Variants in ZNF658 observed in about 807,000 individuals in gnomAD.
ZNF658 encodes zinc finger protein 658.
Under a neutral mutation model 78.0 loss-of-function variants are expected in ZNF658, and 46 were observed. The observed-to-expected ratio is 0.59, with a 90% CI of 0.47 to 0.75. The LOEUF (loss-of-function observed/expected upper bound fraction) is 0.75. ZNF658 is among the 30% of genes least tolerant of loss of function. The pLI is 0.00. For missense variants in ZNF658, 785 were observed against 1,189.3 expected, an observed-to-expected ratio of 0.66 and a Z score of 5.00; for synonymous variants, 279 against 408.4, an observed-to-expected ratio of 0.68 and a Z score of 3.82.
intron 4 of ZNF658, among the ~76,000 whole-genome samples, chr9:66,914,836 A>G (rs1028352709): frequency 2.0e-5 from 3 of 152,026 alleles, no homozygotes; most frequent in Non-Finnish European, 4.4e-5. Flanking sequence ...TTTTGCATTT[A>G]TGTTATGGGA....
At chr9:66,904,559 C>G (rs1051026036) in intron 2 of ZNF658, among the ~76,000 whole-genome samples, 24 of 152,028 alleles carry the variant, frequency 1.6e-4, no homozygotes, top group African/African-American at 5.6e-4. Context: ...ATGTATCTTA[C>G]CATGTACCCA....
intron 6 of ZNF658, among the ~76,000 whole-genome samples, chr9:66,929,517 G>A (rs536829877): frequency 7.7e-4 from 117 of 151,352 alleles, no homozygotes; most frequent in Non-Finnish European, 1.3e-3. Flanking sequence ...TGAATTATTT[G>A]TCCAACTGTG....
Position 66,902,865 on chromosome 9 carries a change from A to C in ZNF658, c.-44-653A>C, listed in dbSNP as rs367761438. 9.2e-5 allele frequency: 14 copies of C among 151,526 alleles called. No individual in the cohort carries two copies. In the South Asian group the frequency reaches 1.5e-3, roughly 16 times the overall value. The allele number at this position is 151,526 out of a possible 1,614,324, so 9.4% of individuals were successfully genotyped here. A position where few individuals can be genotyped will look rare whatever the true frequency, so the allele number is the denominator to read the frequency against. On this transcript the variant is annotated intron_variant, in intron 1 of 4. Coordinates refer to ENST00000621410, the MANE Select transcript of ZNF658 (RefSeq NM_033160.7). ...CCTGAGTAGTTCTTTTTTAAAAAAA[A>C]TTATTTTTAAATTTATTTATTTTTT... is the stretch of plus-strand genomic sequence containing the variant.
chr9:66,909,177 C>T (rs1822154724), intron 4 of ZNF658, among the ~76,000 whole-genome samples: 1 of 152,024 alleles, frequency 6.6e-6, no homozygotes, highest in Admixed American at 6.5e-5. Context: ...CAGGGGATGA[C>T]TGTATATGCA....
intron 4 of ZNF658, among the ~76,000 whole-genome samples, chr9:66,909,594 T>G (rs1822165497): frequency 6.6e-6 from 1 of 151,920 alleles, no homozygotes; most frequent in South Asian, 2.1e-4. Flanking sequence ...GGAGTGAAAC[T>G]GCTGGGTCAT....
intron 2 of ZNF658, among the ~76,000 whole-genome samples, chr9:66,904,761 C>T (rs1024454222): frequency 3.3e-5 from 5 of 152,084 alleles, no homozygotes; most frequent in African/African-American, 1.2e-4. Flanking sequence ...CTGAACCATT[C>T]CCTTTATTAT....
At chr9:66,922,984 C>A (rs1450689346), downstream of ZNF658, among the ~76,000 whole-genome samples, 1 of 151,626 alleles carries the variant, frequency 6.6e-6, no homozygotes, top group Non-Finnish European at 1.5e-5. Flanking sequence ...TGGGACAGGA[C>A]TAATAGGATA....
intron 4 of ZNF658, among the ~76,000 whole-genome samples, chr9:66,914,327 T>G (rs1041517150): frequency 6.6e-6 from 1 of 151,896 alleles, no homozygotes; most frequent in Non-Finnish European, 1.5e-5. Context: ...TGTATGTTTG[T>G]AGGCATAGAT....
chr9:66,905,060 TTTC>T (rs1247020891), intron 2 of ZNF658, among the ~76,000 whole-genome samples: 32 of 122,844 alleles, frequency 2.6e-4, no homozygotes, highest in South Asian at 1.0e-3. Context: ...CTTTTCTCTT[TTTC>T]TTTTCTTTTT....
In ZNF658 at chr9:66,908,371, A is replaced by T; in HGVS notation, c.142+7A>T. On this transcript the variant is annotated splice_region_variant and intron_variant, in intron 3 of 4. Coordinates refer to ENST00000621410, the MANE Select transcript of ZNF658 (RefSeq NM_033160.7). ...AGCCACCTCATCTCAGTGGGTGAGC[A>T]TAGCTTACCATGGGGCTCTCTCGAG... 1.9e-6 allele frequency: 3 copies of T among 1,614,088 alleles called. No homozygotes were observed. Among genetic ancestry groups the T allele is most frequent in the Non-Finnish European group, 2.5e-6 (3 of 1,179,976 alleles).
intron 1 of ZNF658, among the ~76,000 whole-genome samples, chr9:66,901,867 C>T (rs1000597866): frequency 2.6e-5 from 4 of 152,058 alleles, no homozygotes; most frequent in Non-Finnish European, 5.9e-5. Context: ...TCGCTCGAAC[C>T]CGAGGCGGAC....
In ZNF658 at chr9:66,918,731, T is replaced by C. The variant is rs1388573280; in HGVS notation, c.1165T>C (p.Cys389Arg). Reference protein sequence around the residue: ...KFYLSDEHGKCRKSFYRKAHL... With the variant: ...KFYLSDEHGKRRKSFYRKAHL... Reference sequence around the variant, plus strand: ...CTACCTTTCTGATGAACATGGGAAATGCAGAAAATCCTTTTACCGGAAAGC... The same window carrying C: ...CTACCTTTCTGATGAACATGGGAAACGCAGAAAATCCTTTTACCGGAAAGC... Residue 389 changes from cysteine (C) to arginine (R), a missense_variant, in exon 5 of 5, where the codon TGC (cysteine) becomes CGC (arginine). Coordinates refer to ENST00000621410, the MANE Select transcript of ZNF658 (RefSeq NM_033160.7). 6.2e-7 allele frequency: 1 copy of C among 1,613,920 alleles called. No individual in the cohort carries two copies. The highest frequency in any genetic ancestry group is 1.1e-5 in the South Asian group (1 of 91,068).
chr9:66,905,303 T>C (rs1470176422), intron 2 of ZNF658, among the ~76,000 whole-genome samples: 4 of 149,780 alleles, frequency 2.7e-5, no homozygotes, highest in Non-Finnish European at 4.4e-5. Context: ...CTTGAACTCT[T>C]GGCCTCAAGT....
At position 66,918,471 on chromosome 9, in the gene ZNF658, G is replaced by A. The variant is rs777154054; in HGVS notation, c.905G>A (p.Arg302Lys). The change falls in exon 5 of 5, where the codon AGG becomes AAG. Residue 302 changes from arginine (R) to lysine (K), a missense_variant. Around this residue, in one of 12 missense-constraint regions of ZNF658, gnomAD observed 393 missense variants for 400.2 expected, o/e 0.98. Coordinates refer to ENST00000621410, the MANE Select transcript of ZNF658 (RefSeq NM_033160.7). ...ATGACACACTATGAGTGTAATGAAA[G>A]GGGGATTAATTTCAGTAGGAAGTCA... Reference protein sequence around the residue: ...MAMTHYECNERGINFSRKSPL... With the variant: ...MAMTHYECNEKGINFSRKSPL... 4.2e-5 allele frequency: 68 copies of A among 1,608,544 alleles called. No homozygotes were observed. The African/African-American group carries it at 7.1e-4, about 17-fold the overall frequency.
intron 4 of ZNF658, among the ~76,000 whole-genome samples, chr9:66,914,484 A>G: frequency 6.6e-6 from 1 of 151,856 alleles, no homozygotes; most frequent in Admixed American, 6.6e-5. Context: ...TTCCAGTGCA[A>G]TCTTGTGTAA....
chr9:66,913,470 AG>A (rs200658949), intron 4 of ZNF658, among the ~76,000 whole-genome samples: 2,906 of 150,902 alleles, frequency 0.019, 84 homozygotes, highest in African/African-American at 0.066. Context: ...TTCCACCCCC[AG>A]GGGGTCAGAT....
At chr9:66,922,242 T>A (rs1176193739), downstream of ZNF658, among the ~76,000 whole-genome samples, 1 of 150,642 alleles carries the variant, frequency 6.6e-6, no homozygotes, top group African/African-American at 2.4e-5. Context: ...TTCCAGGTAC[T>A]GTCTGTCAGG....
rs1353106916 is a variant in ZNF658, at chr9:66,908,730, C to T, written c.234C>T (p.Tyr78=). 1 of 1,610,718 alleles carries T rather than the reference C, an allele frequency of 6.2e-7. No homozygotes were observed. Among genetic ancestry groups the T allele is most frequent in the Non-Finnish European group, 8.5e-7 (1 of 1,178,758 alleles). The change falls in exon 4 of 5, where the codon TAC becomes TAT. Residue 78 remains tyrosine, a synonymous_variant. Coordinates refer to ENST00000621410, the MANE Select transcript of ZNF658 (RefSeq NM_033160.7). ...AAGATGAATTCCTGAACCAGAGGTA[C>T]CCAGGTGAGTGGGCATTAACAGAAG... ...SLEDEFLNQR[Y]PGYFKVDHIK...
chr9:66,914,146 C>T (rs1822279020), intron 4 of ZNF658, among the ~76,000 whole-genome samples: 1 of 151,484 alleles, frequency 6.6e-6, no homozygotes, highest in South Asian at 2.1e-4. Context: ...GTACAGTCTT[C>T]CAGTCCATAC....
Sources: gnomAD v4.1 joint callset for allele counts (sites outside exome capture counted in the v4.1 genomes callset) on GRCh38, gnomAD v4.1.1 for gene constraint, gnomAD v4.1.1 regional missense constraint, MANE v1.5 for transcripts, NCBI Gene and HGNC (gene_info 2026-07-23, HGNC 2026-07-21) for gene names.